Variants in LIMS1 observed in about 807,000 individuals in gnomAD.
LIMS1 encodes LIM and senescent cell antigen-like-containing domain protein 1.
Under a neutral mutation model 44.1 loss-of-function variants are expected in LIMS1, and 18 were observed. That is an observed-to-expected ratio of 0.41 (90% CI 0.28 to 0.61). LIMS1 has a LOEUF of 0.61. Among genes scored for constraint, LIMS1 ranks in the 20% least tolerant of loss-of-function variants. LIMS1 has a pLI of 0.32. For synonymous variants in LIMS1, 93 were observed against 149.1 expected (o/e 0.62, Z 2.74); for missense variants, 201 against 422.0 (o/e 0.48, Z 4.59).
At chr2:108,668,349 C>T (rs1462640840) in intron 2 of LIMS1, among the ~76,000 whole-genome samples, 2 of 152,140 alleles carry the variant, frequency 1.3e-5, no homozygotes, top group Non-Finnish European at 2.9e-5. Flanking sequence ...TACCCATTGA[C>T]CATCTTCTCC....
At chr2:108,687,244 T>C (rs3180247), downstream of LIMS1, 1 of 152,182 alleles carries the variant, frequency 6.6e-6, no homozygotes, top group African/African-American at 2.4e-5. Context: ...TTGTTAACAA[T>C]AACCTGTTGT....
At chr2:108,671,170 C>T (rs1185035803) in intron 3 of LIMS1, among the ~76,000 whole-genome samples, 3 of 151,548 alleles carry the variant, frequency 2.0e-5, no homozygotes, top group East Asian at 1.9e-4. Context: ...CTCCATCTTG[C>T]GGGGAAAAAA....
chr2:108,685,321 T>C (rs1363960371), exon 10 of LIMS1: 4 of 152,180 alleles, frequency 2.6e-5, no homozygotes, highest in African/African-American at 4.8e-5. Flanking sequence ...CCACTCTTCC[T>C]TAATAAACTT....
intron 1 of LIMS1, among the ~76,000 whole-genome samples, chr2:108,645,901 A>C (rs1464978677): frequency 1.3e-5 from 2 of 152,176 alleles, no homozygotes; most frequent in Non-Finnish European, 2.9e-5. Flanking sequence ...GAGACAAAGA[A>C]GGGCATTACA....
chr2:108,535,466 T>G (rs1037674064), intron 1 of LIMS1, among the ~76,000 whole-genome samples: 2 of 152,228 alleles, frequency 1.3e-5, no homozygotes, highest in African/African-American at 4.8e-5. Flanking sequence ...CAGTGGCCTT[T>G]GCACACAGTT....
chr2:108,535,555 A>G (rs1684104517), intron 1 of LIMS1, among the ~76,000 whole-genome samples: 1 of 152,250 alleles, frequency 6.6e-6, no homozygotes, highest in Admixed American at 6.5e-5. Context: ...GTCGTTTGGA[A>G]GATATTGGCT....
At chr2:108,589,571 T>A (rs933425209) in intron 1 of LIMS1, among the ~76,000 whole-genome samples, 5 of 152,270 alleles carry the variant, frequency 3.3e-5, no homozygotes, top group African/African-American at 1.2e-4. Flanking sequence ...AGTTTGTTAT[T>A]TTTCTAGTTC....
intron 2 of LIMS1, among the ~76,000 whole-genome samples, chr2:108,670,046 A>G (rs1198103880): frequency 2.0e-5 from 3 of 152,178 alleles, no homozygotes. Flanking sequence ...ATTGCAGAAA[A>G]GTATGATAGG....
intron 1 of LIMS1, among the ~76,000 whole-genome samples, chr2:108,598,069 TC>T (rs1686809034): frequency 1.3e-5 from 2 of 151,678 alleles, no homozygotes; most frequent in South Asian, 2.1e-4. Context: ...TATCCTTGTT[TC>T]TCATCATCCT....
chr2:108,563,015 C>CTATA (rs1261431029), intron 1 of LIMS1, among the ~76,000 whole-genome samples: 4 of 152,214 alleles, frequency 2.6e-5, no homozygotes, highest in Admixed American at 2.0e-4. Flanking sequence ...TGCCTCTGCT[C>CTATA]TATAAATGGA....
At chr2:108,586,658 G>A (rs988054206) in intron 1 of LIMS1, among the ~76,000 whole-genome samples, 7 of 152,182 alleles carry the variant, frequency 4.6e-5, no homozygotes, top group Middle Eastern at 3.2e-3. Context: ...TGCCCAGGAT[G>A]TTCTGCTGGG....
chr2:108,686,615 C>CA lies in LIMS1; in HGVS notation c.*2625dup, dbSNP rs909285903. 5.9e-4 allele frequency: 87 copies of CA among 148,458 alleles called. 1 individual carries two copies. The highest frequency in any genetic ancestry group is 1.8e-3 in the African/African-American group (71 of 40,406). The allele number at this position is 148,458 out of a possible 1,614,324, so 9.2% of individuals were successfully genotyped here. On this transcript the variant is annotated 3_prime_UTR_variant, in exon 10 of 10. Coordinates refer to ENST00000544547, the Ensembl canonical transcript of LIMS1. ...TGAAACCCCGTCTCTACTAAAAATACAAAAAAAAACATTAGCCAGGCGTGG... is the reference window on the plus strand; with the variant it reads ...TGAAACCCCGTCTCTACTAAAAATACAAAAAAAAAACATTAGCCAGGCGTGG...
At chr2:108,594,676 A>C (rs909786593) in intron 1 of LIMS1, among the ~76,000 whole-genome samples, 1 of 152,172 alleles carries the variant, frequency 6.6e-6, no homozygotes, top group African/African-American at 2.4e-5. Context: ...AAACAGGAAA[A>C]AAGAGATAGG....
At chr2:108,604,227 T>A (rs1687155640) in intron 1 of LIMS1, among the ~76,000 whole-genome samples, 1 of 152,200 alleles carries the variant, frequency 6.6e-6, no homozygotes, top group South Asian at 2.1e-4. Context: ...TGACCTTTTT[T>A]AATGGTTGAG....
At chr2:108,636,188 C>G (rs1689238113) in intron 1 of LIMS1, among the ~76,000 whole-genome samples, 1 of 152,172 alleles carries the variant, frequency 6.6e-6, no homozygotes, top group African/African-American at 2.4e-5. Context: ...GTCACACTAC[C>G]AGGGCATGCT....
intron 1 of LIMS1, among the ~76,000 whole-genome samples, chr2:108,636,075 G>A (rs1186393411): frequency 6.6e-6 from 1 of 152,216 alleles, no homozygotes. Flanking sequence ...GCTAGTAAGA[G>A]GAGAGAAAGC....
chr2:108,547,343 A>G (rs1001557521), intron 1 of LIMS1, among the ~76,000 whole-genome samples: 5 of 152,138 alleles, frequency 3.3e-5, no homozygotes, highest in African/African-American at 9.7e-5. Flanking sequence ...TTTCTCTTCA[A>G]ACCCTTAGAA....
At chr2:108,625,226 C>T (rs1688493028) in intron 1 of LIMS1, among the ~76,000 whole-genome samples, 2 of 152,166 alleles carry the variant, frequency 1.3e-5, no homozygotes, top group Non-Finnish European at 2.9e-5. Context: ...ATATTTTTCA[C>T]ATGTGAAATA....
intron 2 of LIMS1, chr2:108,662,558 C>G (rs1691454232): frequency 2.5e-6 from 3 of 1,217,532 alleles, no homozygotes; most frequent in Admixed American, 3.3e-5. Context: ...AATTGTTTAT[C>G]ATTAAAACCA....
Sources: allele counts gnomAD v4.1 joint callset (sites outside exome capture counted in the v4.1 genomes callset), GRCh38; gene constraint gnomAD v4.1.1; transcripts MANE v1.5; gene names NCBI Gene and HGNC (gene_info 2026-07-23, HGNC 2026-07-21).